Variants in EPC2 observed in about 807,000 individuals in gnomAD.
The protein encoded by EPC2 is enhancer of polycomb homolog 2.
A neutral mutation model predicts 92.1 loss-of-function variants in EPC2; 14 were observed. The ratio of observed to expected loss-of-function variants is 0.15; its 90% CI spans 0.10 to 0.24. EPC2 has a LOEUF of 0.24. EPC2 is among the 10% of genes least tolerant of loss of function. EPC2 has a pLI of 1.00. For missense variants in EPC2, 755 were observed against 971.5 expected, an observed-to-expected ratio of 0.78 and a Z score of 2.96; for synonymous variants, 340 against 334.7, an observed-to-expected ratio of 1.02 and a Z score of -0.17.
intron 1 of EPC2, among the ~76,000 whole-genome samples, chr2:148,650,504 T>C (rs1680659946): frequency 6.6e-6 from 1 of 150,782 alleles, no homozygotes; most frequent in Non-Finnish European, 1.5e-5. Flanking sequence ...TGTAGATTTC[T>C]GTGAGATACT....
intron 1 of EPC2, among the ~76,000 whole-genome samples, chr2:148,683,518 G>A (rs1460002037): frequency 2.0e-5 from 3 of 151,888 alleles, no homozygotes; most frequent in Non-Finnish European, 4.4e-5. Flanking sequence ...CACCCACCTC[G>A]GCCTCCCAAA....
intron 1 of EPC2, among the ~76,000 whole-genome samples, chr2:148,647,590 A>G (rs1683829437): frequency 7.2e-6 from 1 of 139,514 alleles, no homozygotes; most frequent in Admixed American, 7.5e-5. Flanking sequence ...TACAGGTGTG[A>G]GCCACTGCGC....
chr2:148,708,637 T>C (rs1317156043), intron 2 of EPC2, among the ~76,000 whole-genome samples: 4 of 152,196 alleles, frequency 2.6e-5, no homozygotes, highest in African/African-American at 9.6e-5. Flanking sequence ...ATCAAAAAGC[T>C]TATCCACCAA....
At chr2:148,731,160 G>A (rs973945988) in intron 2 of EPC2, among the ~76,000 whole-genome samples, 7 of 152,174 alleles carry the variant, frequency 4.6e-5, no homozygotes, top group Non-Finnish European at 1.0e-4. Context: ...GGTACAGTCA[G>A]TGTTGGTTGT....
At chr2:148,775,083 C>A (rs1683601546) in intron 10 of EPC2, among the ~76,000 whole-genome samples, 1 of 77,280 alleles carries the variant, frequency 1.3e-5, no homozygotes, top group Non-Finnish European at 2.8e-5. Context: ...AGCGAGACTC[C>A]CTCTCAAAAA....
intron 1 of EPC2, among the ~76,000 whole-genome samples, chr2:148,663,852 A>C (rs898276591): frequency 6.6e-6 from 1 of 152,164 alleles, no homozygotes; most frequent in Non-Finnish European, 1.5e-5. Context: ...TGTGCAGTTC[A>C]CAATAGGGTT....
chr2:148,692,119 T>G (rs1467641682), intron 2 of EPC2: 1 of 230,098 alleles, frequency 4.3e-6, no homozygotes, highest in African/African-American at 2.3e-5. Context: ...ACTACGAAAA[T>G]TACCCTCATT....
rs181411902 is a variant in EPC2, at chr2:148,667,860, C to G, written c.154-22354C>G. Among the ~76,000 whole-genome samples the G allele has an allele frequency of 1.9e-3, 284 of 152,220 alleles. 2 individuals carry two copies. The highest frequency in any genetic ancestry group is 3.1e-3 in the Non-Finnish European group (208 of 68,010). On this transcript the variant is annotated intron_variant, in intron 1 of 13. Coordinates refer to ENST00000258484, the MANE Select transcript of EPC2 (RefSeq NM_015630.4). ...TGTTGGCTTTTGTCAAATGCTTTTT[C>G]TGTATCTGTAGAGATGATCATACAG...
At chr2:148,676,643 T>G (rs775212145) in intron 1 of EPC2, among the ~76,000 whole-genome samples, 87 of 152,120 alleles carry the variant, frequency 5.7e-4, no homozygotes, top group Non-Finnish European at 1.1e-3. Flanking sequence ...GCTTGTTTAC[T>G]TCATATCCTA....
chr2:148,741,527 A>G (rs1212863622), intron 2 of EPC2, among the ~76,000 whole-genome samples: 3 of 152,166 alleles, frequency 2.0e-5, no homozygotes, highest in Non-Finnish European at 2.9e-5. Flanking sequence ...AGATAATTAT[A>G]TACATCTGTT....
intron 2 of EPC2, among the ~76,000 whole-genome samples, chr2:148,714,364 G>T (rs1682215707): frequency 6.6e-6 from 1 of 152,020 alleles, no homozygotes; most frequent in South Asian, 2.1e-4. Flanking sequence ...GAATAGTGCT[G>T]CAGTGAACAT....
intron 2 of EPC2, among the ~76,000 whole-genome samples, chr2:148,736,555 T>C (rs1209455565): frequency 6.6e-6 from 1 of 152,166 alleles, no homozygotes; most frequent in Admixed American, 6.5e-5. Context: ...TAAGATTGAT[T>C]AGTAGGCCTG....
chr2:148,755,187 T>G (rs1683162741), intron 4 of EPC2, among the ~76,000 whole-genome samples: 3 of 152,224 alleles, frequency 2.0e-5, no homozygotes, highest in Admixed American at 2.0e-4. Flanking sequence ...ATTTCCCAAG[T>G]GTAGATGACA....
At chr2:148,685,624 G>C (rs2105368983) in intron 1 of EPC2, among the ~76,000 whole-genome samples, 1 of 152,312 alleles carries the variant, frequency 6.6e-6, no homozygotes, top group East Asian at 1.9e-4. Flanking sequence ...AGCCGGGTGT[G>C]GTGGCGGGAG....
intron 2 of EPC2, among the ~76,000 whole-genome samples, chr2:148,724,242 G>C (rs950057099): frequency 6.6e-6 from 1 of 151,686 alleles, no homozygotes; most frequent in Non-Finnish European, 1.5e-5. Flanking sequence ...CAATATTTTT[G>C]TTTTATAATT....
chr2:148,765,303 G>T (rs1165048716), intron 7 of EPC2, among the ~76,000 whole-genome samples, 157 bp downstream of exon 7: 1 of 152,012 alleles, frequency 6.6e-6, no homozygotes, highest in Non-Finnish European at 1.5e-5. Context: ...CACTGAAATG[G>T]TATTTACTCT....
chr2:148,652,238 A>G (rs1482699627), intron 1 of EPC2, among the ~76,000 whole-genome samples: 8 of 152,188 alleles, frequency 5.3e-5, no homozygotes, highest in African/African-American at 1.9e-4. Flanking sequence ...ACCGATGGTA[A>G]TATAGCATGA....
chr2:148,713,554 A>G (rs973951729), intron 2 of EPC2, among the ~76,000 whole-genome samples: 5 of 151,968 alleles, frequency 3.3e-5, no homozygotes, highest in African/African-American at 1.2e-4. Context: ...AGTGTAGTCT[A>G]CAACAGTGTA....
chr2:148,761,803 T>C lies in EPC2; in HGVS notation c.688T>C (p.Ser230Pro). 1 of 1,548,200 alleles carries C rather than the reference T, an allele frequency of 6.5e-7. No homozygotes were observed. The highest frequency in any genetic ancestry group is 8.7e-7 in the Non-Finnish European group (1 of 1,149,894). The change falls in exon 5 of 14, where the codon TCT becomes CCT. Residue 230 changes from serine (S) to proline (P), a missense_variant. Physicochemically the swap from Ser to Pro is moderately conservative, Grantham distance 74 (BLOSUM62 -1). Coordinates refer to ENST00000258484, the MANE Select transcript of EPC2 (RefSeq NM_015630.4). ...TRKNRKNDEA[S>P]YEKMLKLRRE... The stretch of plus-strand genomic sequence containing the variant: ...ATAGAATCGTAAGAATGATGAAGCC[T>C]CTTATGAAAAGATGTTGAAACTGAG...
Sources: gnomAD v4.1 joint callset for allele counts (sites outside exome capture counted in the v4.1 genomes callset) on GRCh38, gnomAD v4.1.1 for gene constraint, MANE v1.5 for transcripts, NCBI Gene and HGNC (gene_info 2026-07-23, HGNC 2026-07-21) for gene names.